MICU3: variants seen among roughly 807,000 people sequenced by gnomAD.
MICU3 encodes the protein calcium uptake protein 3, mitochondrial.
Under a neutral mutation model 66.5 loss-of-function variants are expected in MICU3, and 62 were observed. That is an observed-to-expected ratio of 0.93 (90% confidence interval 0.76 to 1.15). The LOEUF is 1.15. Among genes scored for constraint, MICU3 ranks in the 50% most tolerant of loss-of-function variants. The pLI is 0.00. For synonymous variants in MICU3, 308 were observed against 240.7 expected (o/e 1.28, Z -2.59); for missense variants, 779 against 664.4 (o/e 1.17, Z -1.90).
chr8:17,071,243 T>G (rs1819541127), intron 3 of MICU3, among the ~76,000 whole-genome samples: 1 of 152,104 alleles, frequency 6.6e-6, no homozygotes, highest in South Asian at 2.1e-4. Flanking sequence ...TATCACAGAT[T>G]GAGTGGGTTT....
At position 17,104,501 on chromosome 8, in the gene MICU3, T is replaced by C. The variant is rs1585520183; in HGVS notation, c.1085+10T>C. 2 of 1,312,428 alleles carry C rather than the reference T, an allele frequency of 1.5e-6. No homozygotes were observed. The highest frequency in any genetic ancestry group is 2.1e-6 in the Non-Finnish European group (2 of 971,474). The allele number at this position is 1,312,428 out of a possible 1,614,324, so 81.3% of individuals were successfully genotyped here. On this transcript the variant is annotated intron_variant, in intron 10 of 14. Coordinates refer to ENST00000318063, the MANE Select transcript of MICU3 (RefSeq NM_181723.3). The stretch of plus-strand genomic sequence containing the variant: ...TTGAAGATTTTTATAGGTGAGCTTA[T>C]TTTTATATTTTTATTAAAAATTATT...
At chr8:17,057,439 T>C (rs2150594862) in intron 1 of MICU3, among the ~76,000 whole-genome samples, 1 of 152,308 alleles carries the variant, frequency 6.6e-6, no homozygotes, top group East Asian at 1.9e-4. Context: ...TTCCAAAACT[T>C]ATATGAAAAC....
intron 8 of MICU3, among the ~76,000 whole-genome samples, chr8:17,093,982 C>T (rs901969762): frequency 1.3e-5 from 2 of 151,944 alleles, no homozygotes; most frequent in East Asian, 3.9e-4. Context: ...TACCACGAAT[C>T]CCCTTCATGT....
chr8:17,035,354 G>T (rs576879114), intron 1 of MICU3, among the ~76,000 whole-genome samples: 27 of 152,216 alleles, frequency 1.8e-4, no homozygotes, highest in Non-Finnish European at 2.8e-4. Context: ...ATAGGCAGAG[G>T]TTGGAACAGT....
rs141026469 is a variant in MICU3 at position 17,118,739 on chromosome 8, C to T, written c.1557C>T (p.Phe519=). The T allele has an allele frequency of 1.4e-5, 23 of 1,612,666 alleles. No homozygotes were observed. In the African/African-American group the frequency reaches 2.1e-4, roughly 15 times the overall value. ...AAACAGTCCAGAAGTACCCCACTTT[C>T]AAATCCTGCCTGAAGAAAGAACTTC... The part of the protein sequence containing the change: ...GYKTVQKYPT[F]KSCLKKELHS... The change falls in exon 14 of 15, where the codon TTC becomes TTT. Residue 519 remains phenylalanine (F), a synonymous_variant. Coordinates refer to ENST00000318063, the MANE Select transcript of MICU3 (RefSeq NM_181723.3).
At position 17,064,232 on chromosome 8, in the gene MICU3, C is replaced by G. The variant is rs751485839; in HGVS notation, c.530C>G (p.Pro177Arg). The G allele has an allele frequency of 1.2e-6, 2 of 1,607,324 alleles. No individual in the cohort carries two copies. The stretch of plus-strand genomic sequence containing the variant: ...ATTTTGGCTGTTACAACAGATGAGC[C>G]CAAAGGTAAGTACACTTTTGAAATT... ...DFILAVTTDE[P>R]KVAKTWKSLS... is the part of the protein sequence containing the mutation. The change falls in exon 2 of 15, where the codon CCC (proline) becomes CGC (arginine). Residue 177 changes from proline to arginine, a missense_variant. Physicochemically the swap from Pro to Arg is moderately radical, Grantham distance 103. Transcript: ENST00000318063.
chr8:17,039,623 A>G (rs901215866), intron 1 of MICU3, among the ~76,000 whole-genome samples: 1 of 152,160 alleles, frequency 6.6e-6, no homozygotes, highest in Non-Finnish European at 1.5e-5. Flanking sequence ...AGGATTATAC[A>G]TACATAATTT....
intron 7 of MICU3, among the ~76,000 whole-genome samples, chr8:17,089,169 G>A (rs1047580196): frequency 4.7e-4 from 71 of 151,954 alleles, no homozygotes; most frequent in Middle Eastern, 3.4e-3. Flanking sequence ...CTTAAATAGC[G>A]CTTCTAAAAT....
At chr8:17,051,350 T>A in intron 1 of MICU3, among the ~76,000 whole-genome samples, 1 of 152,228 alleles carries the variant, frequency 6.6e-6, no homozygotes, top group East Asian at 1.9e-4. Flanking sequence ...CCAAAAACTC[T>A]TCTAGGCACT....
At chr8:17,135,407 A>T in the MICU3 span, among the ~76,000 whole-genome samples, 2 of 152,050 alleles carry the variant, frequency 1.3e-5, no homozygotes, top group Admixed American at 1.3e-4. Context: ...AAAAAAAAAA[A>T]AATGGACATT....
intron 9 of MICU3, 150 bp from the exon 10 acceptor site, chr8:17,104,241 A>G (rs1188662729): frequency 2.5e-6 from 1 of 395,742 alleles, no homozygotes; most frequent in African/African-American, 2.1e-5. Context: ...AATTGCATGT[A>G]TTAATATGCC....
intron 1 of MICU3, among the ~76,000 whole-genome samples, chr8:17,036,936 G>A (rs1039340233): frequency 7.9e-5 from 12 of 152,246 alleles, no homozygotes; most frequent in South Asian, 2.1e-4. Context: ...CAGGCATGGC[G>A]GGCTGCAGGT....
intron 1 of MICU3, among the ~76,000 whole-genome samples, chr8:17,060,853 CCTT>C (rs974385158): frequency 9.0e-4 from 136 of 150,838 alleles, no homozygotes; most frequent in African/African-American, 3.2e-3. Context: ...TCCTTACTGA[CCTT>C]CTTTTAAAGT....
chr8:17,088,369 C>T (rs554915295), intron 7 of MICU3, among the ~76,000 whole-genome samples: 3 of 151,886 alleles, frequency 2.0e-5, no homozygotes, highest in Admixed American at 2.0e-4. Context: ...ACATGAATAG[C>T]CCCATAATTG....
Position 17,088,563 on chromosome 8 carries a change from A to C in MICU3, c.849+1528A>C, listed in dbSNP as rs534995508. On this transcript the variant is annotated intron_variant, in intron 7 of 14. Transcript: ENST00000318063. ...CTATTTAAGGAGGCTGAATAATGTTAATGAATCTATTGATATACTTTAATG... is the reference window on the plus strand; with the variant it reads ...CTATTTAAGGAGGCTGAATAATGTTCATGAATCTATTGATATACTTTAATG... Among the ~76,000 whole-genome samples, 60 of 152,116 alleles carry C rather than the reference A, an allele frequency of 3.9e-4. 1 individual carries two copies. The highest frequency in any genetic ancestry group is 1.4e-3 in the African/African-American group (58 of 41,568).
chr8:17,084,487 C>G (rs1039732670), intron 5 of MICU3, among the ~76,000 whole-genome samples: 2 of 151,896 alleles, frequency 1.3e-5, no homozygotes, highest in African/African-American at 4.8e-5. Flanking sequence ...ACTTTGTACC[C>G]CTCCCCCCGG....
intron 1 of MICU3, among the ~76,000 whole-genome samples, chr8:17,050,612 C>G (rs2150567810): frequency 6.6e-6 from 1 of 152,208 alleles, no homozygotes; most frequent in East Asian, 1.9e-4. Context: ...AAGTCTCAGC[C>G]ATGATTGTGA....
chr8:17,040,414 C>A (rs1006840527), intron 1 of MICU3, among the ~76,000 whole-genome samples: 3 of 152,106 alleles, frequency 2.0e-5, no homozygotes, highest in Admixed American at 1.3e-4. Context: ...AGAATCATTT[C>A]ATTCATGCAA....
intron 12 of MICU3, 48 bp from the exon 13 acceptor site, chr8:17,116,395 T>A: frequency 8.2e-7 from 1 of 1,216,822 alleles, no homozygotes; most frequent in Non-Finnish European, 1.1e-6. Context: ...TAACACATAT[T>A]ATAAAAATAA....
Sources: allele counts gnomAD v4.1 joint callset (sites outside exome capture counted in the v4.1 genomes callset), GRCh38; gene constraint gnomAD v4.1.1; transcripts MANE v1.5; gene names NCBI Gene and HGNC (gene_info 2026-07-23, HGNC 2026-07-21).